Variants in ACAD11 observed in about 807,000 individuals in gnomAD.
ACAD11 encodes acyl-CoA dehydrogenase family member 11.
Under a neutral mutation model 102.2 loss-of-function variants are expected in ACAD11, and 83 were observed. The observed-to-expected ratio is 0.81, with a 90% CI of 0.68 to 0.97. ACAD11 has a LOEUF of 0.97. Among genes scored for constraint, ACAD11 ranks in the 50% least tolerant of loss-of-function variants. The pLI is 0.00. For synonymous variants in ACAD11, 324 were observed against 319.8 expected (o/e 1.01, Z -0.14); for missense variants, 901 against 951.7 (o/e 0.95, Z 0.70).
intron 13 of ACAD11, among the ~76,000 whole-genome samples, chr3:132,593,908 T>G (rs548151938): frequency 6.6e-6 from 1 of 152,190 alleles, no homozygotes; most frequent in Non-Finnish European, 1.5e-5. Flanking sequence ...AAGCATCAAG[T>G]AAGTACTTTG....
intron 13 of ACAD11, among the ~76,000 whole-genome samples, chr3:132,593,255 G>A (rs183944819): frequency 7.9e-5 from 12 of 152,142 alleles, no homozygotes; most frequent in Admixed American, 3.3e-4. Flanking sequence ...ATGACAAAAT[G>A]TATGCAATAC....
chr3:132,588,670 A>G (rs1937952339), intron 13 of ACAD11, among the ~76,000 whole-genome samples: 1 of 152,206 alleles, frequency 6.6e-6, no homozygotes, highest in Non-Finnish European at 1.5e-5. Context: ...ATTTAATGGA[A>G]TCTTGTTTTA....
At position 132,659,723 on chromosome 3, in the gene ACAD11, T is replaced by C. The variant is rs1311664016; in HGVS notation, c.29A>G (p.Asp10Gly). The C allele has an allele frequency of 6.2e-7, 1 of 1,608,894 alleles. No homozygotes were observed. The highest frequency in any genetic ancestry group is 2.2e-5 in the East Asian group (1 of 44,518). ...GTGCTGGGGCAGCACTTCGGCCAAA[T>C]CGGACTCGCCAGTAGCACCTGGCTT... is the stretch of plus-strand genomic sequence containing the variant. MKPGATGES[D>G]LAEVLPQHKF... Residue 10 changes from aspartate (D) to glycine (G), a missense_variant, in exon 1 of 20, where the codon GAT becomes GGT. Coordinates refer to ENST00000264990, the MANE Select transcript of ACAD11 (RefSeq NM_032169.5).
intron 17 of ACAD11, among the ~76,000 whole-genome samples, chr3:132,566,898 A>G (rs1236247443): frequency 6.6e-6 from 1 of 152,248 alleles, no homozygotes; most frequent in Non-Finnish European, 1.5e-5. Flanking sequence ...AAAATTTTCT[A>G]AAGTATATTT....
intron 13 of ACAD11, 152 bp from the exon 14 acceptor site, chr3:132,579,710 A>C: frequency 1.7e-6 from 1 of 583,558 alleles, no homozygotes; most frequent in Non-Finnish European, 2.9e-6. Flanking sequence ...CTTTTGTAAC[A>C]CTCTATATCA....
At chr3:132,589,337 T>A (rs1937978472) in intron 13 of ACAD11, among the ~76,000 whole-genome samples, 1 of 152,218 alleles carries the variant, frequency 6.6e-6, no homozygotes, top group Non-Finnish European at 1.5e-5. Flanking sequence ...ATACTTACCT[T>A]TCATTGTGGA....
intron 17 of ACAD11, among the ~76,000 whole-genome samples, chr3:132,568,352 C>G (rs958295248): frequency 6.6e-6 from 1 of 152,142 alleles, no homozygotes; most frequent in African/African-American, 2.4e-5. Flanking sequence ...ATGCTGAAAA[C>G]TACACACAGA....
At chr3:132,572,211 C>T (rs115823871) in intron 17 of ACAD11, among the ~76,000 whole-genome samples, 9,116 of 152,122 alleles carry the variant, frequency 0.06, 364 homozygotes, top group Non-Finnish European at 0.087. Context: ...ACAACTTCAG[C>T]GAAGTCTCAG....
chr3:132,593,103 G>A (rs1938149474), intron 13 of ACAD11, among the ~76,000 whole-genome samples: 1 of 151,796 alleles, frequency 6.6e-6, no homozygotes, highest in Non-Finnish European at 1.5e-5. Flanking sequence ...ATCTCTGGGT[G>A]AGAAAGGATT....
At chr3:132,624,840 C>T (rs1251906118) in intron 9 of ACAD11, among the ~76,000 whole-genome samples, 2 of 151,612 alleles carry the variant, frequency 1.3e-5, no homozygotes, top group African/African-American at 2.4e-5. Context: ...GTGTGCAGCA[C>T]GCCGGGCTAA....
intron 13 of ACAD11, among the ~76,000 whole-genome samples, chr3:132,596,107 A>G (rs1938295504): frequency 6.6e-6 from 1 of 152,248 alleles, no homozygotes; most frequent in African/African-American, 2.4e-5. Flanking sequence ...GCCATAAAAA[A>G]GAATGAGATC....
At chr3:132,567,463 A>T (rs191342448) in intron 17 of ACAD11, among the ~76,000 whole-genome samples, 2 of 152,342 alleles carry the variant, frequency 1.3e-5, no homozygotes, top group East Asian at 3.9e-4. Flanking sequence ...AAACAGCTAT[A>T]CAAAGAGACA....
At chr3:132,622,805 AT>A (rs144934381) in intron 9 of ACAD11, among the ~76,000 whole-genome samples, 3,263 of 152,282 alleles carry the variant, frequency 0.021, 59 homozygotes, top group South Asian at 0.072. Flanking sequence ...AGAGATACTA[AT>A]TTTGAGTATG....
At chr3:132,658,065 G>C (rs571393281) in intron 1 of ACAD11, among the ~76,000 whole-genome samples, 1 of 152,002 alleles carries the variant, frequency 6.6e-6, no homozygotes, top group Non-Finnish European at 1.5e-5. Flanking sequence ...GTTTCACCAT[G>C]TTGGCCAGGC....
chr3:132,582,459 A>C (rs1459611713), intron 13 of ACAD11, among the ~76,000 whole-genome samples: 1 of 152,014 alleles, frequency 6.6e-6, no homozygotes, highest in African/African-American at 2.4e-5. Flanking sequence ...GACTTTAAAA[A>C]CATTAAAGAA....
intron 5 of ACAD11, among the ~76,000 whole-genome samples, chr3:132,632,892 T>C (rs1559968888): frequency 6.6e-6 from 1 of 152,222 alleles, no homozygotes; most frequent in South Asian, 2.1e-4. Context: ...TATTGGTATA[T>C]ATGAATGCTT....
intron 13 of ACAD11, among the ~76,000 whole-genome samples, chr3:132,595,347 G>A (rs1348836204): frequency 1.3e-5 from 2 of 152,182 alleles, no homozygotes; most frequent in Non-Finnish European, 2.9e-5. Context: ...AGTGTGAAAT[G>A]AGGTCAGAGA....
At chr3:132,587,346 T>C (rs2107803699) in intron 13 of ACAD11, among the ~76,000 whole-genome samples, 1 of 152,324 alleles carries the variant, frequency 6.6e-6, no homozygotes, top group East Asian at 1.9e-4. Context: ...GGGTAATTTC[T>C]GTTGTCTATC....
At chr3:132,574,926 C>T (rs1937490924) in intron 17 of ACAD11, among the ~76,000 whole-genome samples, 1 of 152,204 alleles carries the variant, frequency 6.6e-6, no homozygotes, top group Non-Finnish European at 1.5e-5. Flanking sequence ...CCTCTGTCTC[C>T]CGGGTTCAAG....
Sources: allele counts gnomAD v4.1 joint callset (sites outside exome capture counted in the v4.1 genomes callset), GRCh38; gene constraint gnomAD v4.1.1; transcripts MANE v1.5; gene names NCBI Gene and HGNC (gene_info 2026-07-23, HGNC 2026-07-21).